Variants in CDH11 observed in about 807,000 individuals in gnomAD.
CDH11 encodes the protein cadherin 11.
CDH11 carries 11 observed loss-of-function variants against 67.8 expected under a neutral mutation model. The ratio of observed to expected loss-of-function variants is 0.16; its 90% CI spans 0.10 to 0.27. The LOEUF is 0.27. Among genes scored for constraint, CDH11 ranks in the 10% least tolerant of loss-of-function variants. CDH11 has a pLI of 1.00. For synonymous variants in CDH11, 419 were observed against 400.0 expected, an observed-to-expected ratio of 1.05 and a Z score of -0.57; for missense variants, 847 against 1,031.2, an observed-to-expected ratio of 0.82 and a Z score of 2.45.
In CDH11 at chr16:64,947,845, C is replaced by T. The variant is rs202144553; in HGVS notation, c.2149G>A (p.Val717Ile). 3.1e-6 allele frequency: 5 copies of T among 1,614,184 alleles called. No homozygotes were observed. Among genetic ancestry groups the T allele is most frequent in the East Asian group, 2.2e-5 (1 of 44,868 alleles). ...ATTCTCGTGTTGATGAAGTCATCGA[C>T]ATCCACGCTGTTGGGCGCTGGCCGG... ...GLRPAPNSVDVDDFINTRIQE... is the reference protein window; with the variant it reads ...GLRPAPNSVDIDDFINTRIQE... The change falls in exon 13 of 13, where the codon GTC becomes ATC. Residue 717 changes from valine (V) to isoleucine (I), a missense_variant. Physicochemically the swap from Val to Ile is conservative, Grantham distance 29 (BLOSUM62 3). Around this residue, in one of 2 missense-constraint regions of CDH11, gnomAD observed 612 missense variants for 678.7 expected, o/e 0.90. Coordinates refer to ENST00000268603, the MANE Select transcript of CDH11 (RefSeq NM_001797.4).
In CDH11 at chr16:64,946,590, T is replaced by C. The variant is rs894085675; in HGVS notation, c.*1013A>G. On this transcript the variant is annotated 3_prime_UTR_variant, in exon 13 of 13. Transcript: ENST00000268603. ...CAAGAATGTACAAAAAAGCTTTACA[T>C]GATGTTACAGAATCTTGTCTGAAAA... 1.3e-5 allele frequency: 13 copies of C among 1,033,376 alleles called. No homozygotes were observed. The highest frequency in any genetic ancestry group is 1.4e-5 in the Non-Finnish European group (12 of 858,974). 64.0% of individuals were successfully genotyped at this position (1,033,376 alleles called of 1,614,324 possible). A position where few individuals can be genotyped will look rare whatever the true frequency, so the allele number is the denominator to read the frequency against.
chr16:64,964,738 C>T (rs1430087501), intron 11 of CDH11, among the ~76,000 whole-genome samples: 2 of 151,682 alleles, frequency 1.3e-5, no homozygotes, highest in African/African-American at 2.4e-5. Context: ...TTAGTAGAGA[C>T]GGGGTTTCAT....
At position 64,945,943 on chromosome 16, in the gene CDH11, C is replaced by A. The variant is rs2071188430; in HGVS notation, c.*1660G>T. 9.4e-7 allele frequency: 1 copy of A among 1,058,626 alleles called. No homozygotes were observed. Among genetic ancestry groups the A allele is most frequent in the African/African-American group, 1.6e-5 (1 of 60,762 alleles). The allele number at this position is 1,058,626 out of a possible 1,614,324, so 65.6% of individuals were successfully genotyped here. A position where few individuals can be genotyped will look rare whatever the true frequency, so the allele number is the denominator to read the frequency against. ...CACTTGCAGTGTGACTTTATGTGGTCTTTCCCCAAGTATTGCTACGTTTTG... is the reference window on the plus strand; with the variant it reads ...CACTTGCAGTGTGACTTTATGTGGTATTTCCCCAAGTATTGCTACGTTTTG... On this transcript the variant is annotated 3_prime_UTR_variant, in exon 13 of 13. Transcript: ENST00000268603.
chr16:65,068,969 C>T (rs565845004), intron 1 of CDH11, among the ~76,000 whole-genome samples: 139 of 152,292 alleles, frequency 9.1e-4, no homozygotes, highest in African/African-American at 3.2e-3. Flanking sequence ...TAAGTATTCT[C>T]ATTTCATTAG....
At position 65,121,977 on chromosome 16, in the gene CDH11, C is replaced by T. The variant is rs911893402; in HGVS notation, c.-395G>A. 18 of 701,330 alleles carry T rather than the reference C, an allele frequency of 2.6e-5. No homozygotes were observed. Among genetic ancestry groups the T allele is most frequent in the African/African-American group, 8.7e-5 (5 of 57,192 alleles). 43.4% of individuals were successfully genotyped at this position (701,330 alleles called of 1,614,324 possible). ...TCCCGGCCCCAGTCCCGGTCCCATT[C>T]ACAAGTCAGCGGCGGCTGCGAGCGG... is the stretch of plus-strand genomic sequence containing the variant. On this transcript the variant is annotated 5_prime_UTR_variant, in exon 1 of 13. It removes the in-frame stop codon of an upstream open reading frame in the 5' UTR. Coordinates refer to ENST00000268603, the MANE Select transcript of CDH11 (RefSeq NM_001797.4). The surrounding 1 kb of genome is among the most constrained non-coding windows in gnomAD (Gnocchi z 4.1).
At position 64,988,121 on chromosome 16, in the gene CDH11, T is replaced by C. The variant is rs759043919; in HGVS notation, c.999+36A>G. The C allele has an allele frequency of 2.6e-6, 4 of 1,536,506 alleles. No homozygotes were observed. In the Admixed American group the frequency reaches 7.2e-5, roughly 28 times the overall value. ...AGTGTTGCCTTGGCAGAGCAGGCCATACCACTGACACGTCTGATTCCTTAC... is the reference window on the plus strand; with the variant it reads ...AGTGTTGCCTTGGCAGAGCAGGCCACACCACTGACACGTCTGATTCCTTAC... On this transcript the variant is annotated intron_variant, in intron 7 of 12. Coordinates refer to ENST00000268603, the MANE Select transcript of CDH11 (RefSeq NM_001797.4).
intron 2 of CDH11, among the ~76,000 whole-genome samples, chr16:65,044,856 C>A (rs1387698649): frequency 6.6e-6 from 1 of 152,066 alleles, no homozygotes; most frequent in Non-Finnish European, 1.5e-5. Context: ...GGGTTTTATA[C>A]TGAAGCAACT....
chr16:65,073,440 C>T (rs996931660), intron 1 of CDH11, among the ~76,000 whole-genome samples: 1 of 152,182 alleles, frequency 6.6e-6, no homozygotes, highest in Non-Finnish European at 1.5e-5. Context: ...GCCAACACAT[C>T]CAGCTAACTT....
intron 1 of CDH11, among the ~76,000 whole-genome samples, chr16:65,111,676 C>G (rs951486733): frequency 3.1e-5 from 3 of 98,084 alleles, no homozygotes; most frequent in Non-Finnish European, 5.0e-5. Flanking sequence ...AAGCTAGAAA[C>G]ACACACACAC....
chr16:65,081,266 G>A (rs2142799880), intron 1 of CDH11, among the ~76,000 whole-genome samples: 1 of 152,262 alleles, frequency 6.6e-6, no homozygotes, highest in Middle Eastern at 3.4e-3. Context: ...CCTGCACAGG[G>A]AAGGTAAGGA....
In CDH11 at chr16:65,011,119, A is replaced by G. The variant is rs897138249; in HGVS notation, c.-172-6078T>C. On this transcript the variant is annotated intron_variant, in intron 2 of 12. Transcript: ENST00000268603. ...TTTTTATATATATATATATACATACACACACACACACACATATATCACTCA... is the reference window on the plus strand; with the variant it reads ...TTTTTATATATATATATATACATACGCACACACACACACATATATCACTCA... Among the ~76,000 whole-genome samples the G allele has an allele frequency of 6.2e-5, 4 of 64,896 alleles. No homozygotes were observed. In the East Asian group the frequency reaches 2.3e-3, roughly 37 times the overall value. The allele number at this position is 64,896 out of a possible 152,430, so 42.6% of individuals were successfully genotyped here.
At position 64,950,784 on chromosome 16, in the gene CDH11, C is replaced by A. The variant is rs2071338999; in HGVS notation, c.1877G>T (p.Cys626Phe). 6.2e-7 allele frequency: 1 copy of A among 1,613,814 alleles called. No individual in the cohort carries two copies. Among genetic ancestry groups the A allele is most frequent in the Non-Finnish European group, 8.5e-7 (1 of 1,179,788 alleles). Residue 626 changes from cysteine to phenylalanine, a missense_variant, in exon 12 of 13, where the codon TGC (cysteine) becomes TTC (phenylalanine). Transcript: ENST00000268603. ...STGALIAILA[C>F]IVILLVIVVL... ...GCCCTTACCCAGGAGAATGACGATG[C>A]AGGCGAGGATGGCGATCAGGGCGCC...
At chr16:64,976,872 AACCAAC>A (rs2072187928) in intron 8 of CDH11, among the ~76,000 whole-genome samples, 1 of 150,964 alleles carries the variant, frequency 6.6e-6, no homozygotes. Flanking sequence ...CCAACCAACC[AACCAAC>A]CAACCAACCA....
At chr16:65,054,686 A>C (rs1024479708) in intron 1 of CDH11, among the ~76,000 whole-genome samples, 2 of 152,208 alleles carry the variant, frequency 1.3e-5, no homozygotes, top group African/African-American at 2.4e-5. Flanking sequence ...TCATCTTTAA[A>C]AACTGAGGCA....
Position 64,946,781 on chromosome 16 carries a change from T to A in CDH11, c.*822A>T, listed in dbSNP as rs973344916. On this transcript the variant is annotated 3_prime_UTR_variant, in exon 13 of 13. Coordinates refer to ENST00000268603, the MANE Select transcript of CDH11 (RefSeq NM_001797.4). ...CAATGTTAAGAATCAAACCCAGAATTAAAAAAAAATCTTTTTTTATTTCAA... is the reference window on the plus strand; with the variant it reads ...CAATGTTAAGAATCAAACCCAGAATAAAAAAAAAATCTTTTTTTATTTCAA... 2.9e-5 allele frequency: 26 copies of A among 882,188 alleles called. No individual in the cohort carries two copies. The East Asian group carries it at 1.8e-3, about 61-fold the overall frequency. 54.6% of individuals were successfully genotyped at this position (882,188 alleles called of 1,614,324 possible). A position where few individuals can be genotyped will look rare whatever the true frequency, so the allele number is the denominator to read the frequency against.
At chr16:65,074,577 T>C (rs946539707) in intron 1 of CDH11, among the ~76,000 whole-genome samples, 3 of 152,152 alleles carry the variant, frequency 2.0e-5, no homozygotes, top group Admixed American at 6.6e-5. Flanking sequence ...CACCCAAGAA[T>C]TGGAACATTT....
At chr16:64,973,131 T>C (rs2072060646) in intron 8 of CDH11, 91 bp from the exon 9 acceptor site, 1 of 1,223,606 alleles carries the variant, frequency 8.2e-7, no homozygotes, top group Admixed American at 2.3e-5. Flanking sequence ...TAAATCAAGC[T>C]TCTCAATGAA....
intron 2 of CDH11, among the ~76,000 whole-genome samples, chr16:65,005,955 C>G (rs1378996729): frequency 6.6e-6 from 1 of 152,202 alleles, no homozygotes; most frequent in East Asian, 1.9e-4. Context: ...ACACTCCTCA[C>G]AGGTTTCTGA....
At chr16:65,088,127 G>A (rs540685349) in intron 1 of CDH11, among the ~76,000 whole-genome samples, 7 of 152,218 alleles carry the variant, frequency 4.6e-5, no homozygotes, top group Non-Finnish European at 8.8e-5. Flanking sequence ...CCTTACAAAC[G>A]AAGCTTCAGG....
Sources: allele counts gnomAD v4.1 joint callset (sites outside exome capture counted in the v4.1 genomes callset), GRCh38; gene constraint gnomAD v4.1.1; regional missense constraint gnomAD v4.1.1; non-coding constraint Gnocchi (gnomAD v3.1); transcripts MANE v1.5; gene names NCBI Gene and HGNC (gene_info 2026-07-23, HGNC 2026-07-21).